CACNB2: variants seen among roughly 807,000 people sequenced by gnomAD.
CACNB2 encodes the protein calcium voltage-gated channel auxiliary subunit beta 2.
In CACNB2, 42 loss-of-function variants were observed where a neutral mutation model predicts 73.3. That is an observed-to-expected ratio of 0.57 (90% CI 0.45 to 0.74). The LOEUF is 0.74. Among genes scored for constraint, CACNB2 ranks in the 30% least tolerant of loss-of-function variants. The probability of loss-of-function intolerance (pLI) is 0.00; values close to 1 mark genes in which losing one functional copy is unlikely to be tolerated. For synonymous variants in CACNB2, 348 were observed against 310.3 expected (o/e 1.12, Z -1.28); for missense variants, 940 against 853.0 (o/e 1.10, Z -1.27).
At chr10:18,289,792 C>G (rs1441254155) in intron 2 of CACNB2, among the ~76,000 whole-genome samples, 3 of 151,960 alleles carry the variant, frequency 2.0e-5, no homozygotes, top group African/African-American at 4.8e-5. Flanking sequence ...GTTGTTCTAT[C>G]CTTTATAAAA....
At chr10:18,370,052 T>C (rs534598378) in intron 2 of CACNB2, among the ~76,000 whole-genome samples, 114 of 152,356 alleles carry the variant, frequency 7.5e-4, no homozygotes, top group African/African-American at 2.7e-3. Flanking sequence ...CACTGTCCAA[T>C]AGAAGTTTCT....
chr10:18,401,886 G>T, intron 2 of CACNB2, 38 bp from the exon 3 acceptor site: 4 of 1,610,344 alleles, frequency 2.5e-6, no homozygotes, highest in South Asian at 2.2e-5. Context: ...AAACATCATA[G>T]ACTGAATCTA....
chr10:18,437,349 G>T (rs1318301441), intron 3 of CACNB2, among the ~76,000 whole-genome samples: 1 of 147,858 alleles, frequency 6.8e-6, no homozygotes, highest in African/African-American at 2.4e-5. Flanking sequence ...GAGGTTATGG[G>T]CATGGACCCC....
chr10:18,220,565 T>C (rs966498727), intron 2 of CACNB2, among the ~76,000 whole-genome samples: 4 of 151,926 alleles, frequency 2.6e-5, no homozygotes, highest in African/African-American at 9.7e-5. Flanking sequence ...CCCAGCCTTA[T>C]CTGTGTTTAT....
At chr10:18,532,579 C>T (rs757257096) in intron 10 of CACNB2, among the ~76,000 whole-genome samples, 4 of 147,166 alleles carry the variant, frequency 2.7e-5, no homozygotes, top group South Asian at 4.3e-4. Flanking sequence ...GAGGCTGAGG[C>T]GAGAGAATCA....
At chr10:18,420,439 G>A (rs2045259036) in intron 3 of CACNB2, among the ~76,000 whole-genome samples, 1 of 152,042 alleles carries the variant, frequency 6.6e-6, no homozygotes, top group African/African-American at 2.4e-5. Flanking sequence ...CTGTAACTGG[G>A]GACCCAGGAA....
At chr10:18,272,684 T>A (rs2038106129) in intron 2 of CACNB2, among the ~76,000 whole-genome samples, 1 of 152,148 alleles carries the variant, frequency 6.6e-6, no homozygotes, top group South Asian at 2.1e-4. Flanking sequence ...AAAGGGGAGT[T>A]CCCCTGCACA....
At chr10:18,219,530 G>C (rs1813517) in intron 2 of CACNB2, among the ~76,000 whole-genome samples, 80,109 of 152,068 alleles carry the variant, frequency 0.53, 22,280 homozygotes, top group Middle Eastern at 0.66. Context: ...CCTGGGACAA[G>C]TTGTCCAGCA....
intron 2 of CACNB2, among the ~76,000 whole-genome samples, chr10:18,356,793 C>T (rs927585836): frequency 2.6e-5 from 4 of 151,930 alleles, no homozygotes; most frequent in African/African-American, 9.7e-5. Context: ...CCATGCCTGG[C>T]TAATTTTTTT....
At chr10:18,473,244 A>C (rs1478352085) in intron 3 of CACNB2, among the ~76,000 whole-genome samples, 1 of 152,196 alleles carries the variant, frequency 6.6e-6, no homozygotes, top group African/African-American at 2.4e-5. Flanking sequence ...ACTTGGTATA[A>C]TATGGTATGA....
At chr10:18,445,314 A>G (rs2046678314) in intron 3 of CACNB2, among the ~76,000 whole-genome samples, 1 of 152,218 alleles carries the variant, frequency 6.6e-6, no homozygotes. Flanking sequence ...CGGTGTTTAT[A>G]ACTACCAACA....
At chr10:18,210,787 T>C (rs1339566677) in intron 2 of CACNB2, among the ~76,000 whole-genome samples, 1 of 152,186 alleles carries the variant, frequency 6.6e-6, no homozygotes, top group African/African-American at 2.4e-5. Flanking sequence ...TCAAGGAACT[T>C]AAATGCTTTT....
intron 3 of CACNB2, among the ~76,000 whole-genome samples, chr10:18,439,908 G>A (rs750063384): frequency 1.3e-5 from 2 of 152,120 alleles, no homozygotes; most frequent in Admixed American, 1.3e-4. Context: ...GGAGAAATAG[G>A]CCACATGCAA....
intron 2 of CACNB2, among the ~76,000 whole-genome samples, chr10:18,231,644 G>C (rs1010805750): frequency 6.6e-6 from 1 of 152,158 alleles, no homozygotes; most frequent in African/African-American, 2.4e-5. Context: ...TTGACAGTAC[G>C]GTAAGTGATT....
intron 2 of CACNB2, among the ~76,000 whole-genome samples, chr10:18,319,577 T>C (rs932147128): frequency 1.3e-5 from 2 of 152,102 alleles, no homozygotes; most frequent in African/African-American, 4.8e-5. Context: ...AACAAACGTG[T>C]ACATTCTGCA....
At chr10:18,413,379 T>C (rs1382687574) in intron 3 of CACNB2, among the ~76,000 whole-genome samples, 4 of 152,226 alleles carry the variant, frequency 2.6e-5, no homozygotes, top group Non-Finnish European at 5.9e-5. Flanking sequence ...TATTCTCTCA[T>C]ACTTCTCCAG....
chr10:18,398,611 C>T (rs2043828199), intron 2 of CACNB2, among the ~76,000 whole-genome samples: 1 of 151,898 alleles, frequency 6.6e-6, no homozygotes, highest in Non-Finnish European at 1.5e-5. Flanking sequence ...GTCAAGGCTG[C>T]AGTAAGCCAT....
chr10:18,519,531 C>T (rs929081451), intron 9 of CACNB2, among the ~76,000 whole-genome samples: 14 of 152,208 alleles, frequency 9.2e-5, no homozygotes, highest in Admixed American at 8.5e-4. Flanking sequence ...CATGTGGGCA[C>T]TAGATCTCAT....
intron 2 of CACNB2, among the ~76,000 whole-genome samples, chr10:18,174,468 A>G (rs2033462129): frequency 6.7e-6 from 1 of 148,334 alleles, no homozygotes; most frequent in Admixed American, 6.8e-5. Context: ...CAATGACACA[A>G]TCTTGGCTCA....
Sources: allele counts gnomAD v4.1 joint callset (sites outside exome capture counted in the v4.1 genomes callset), GRCh38; gene constraint gnomAD v4.1.1; transcripts MANE v1.5; gene names NCBI Gene and HGNC (gene_info 2026-07-23, HGNC 2026-07-21).